The following FOXN3 variants were observed in gnomAD, a reference collection of about 807,000 sequenced individuals.
The protein encoded by FOXN3 is forkhead box N3, also known as forkhead box protein N3.
A neutral mutation model predicts 38.4 loss-of-function variants in FOXN3; 7 were observed. The ratio of observed to expected loss-of-function variants is 0.18; its 90% CI spans 0.10 to 0.34. The LOEUF is 0.34. Ranked by LOEUF, FOXN3 falls within the 10% of genes least tolerant of loss-of-function variation. The probability of loss-of-function intolerance (pLI) is 1.00; values close to 1 mark genes in which losing one functional copy is unlikely to be tolerated. For synonymous variants in FOXN3, 230 were observed against 242.2 expected, an observed-to-expected ratio of 0.95 and a Z score of 0.47; for missense variants, 456 against 613.4, an observed-to-expected ratio of 0.74 and a Z score of 2.71.
chr14:89,450,578 A>C (rs1596278754), intron 1 of FOXN3, among the ~76,000 whole-genome samples: 1 of 140,630 alleles, frequency 7.1e-6, no homozygotes, highest in African/African-American at 2.7e-5. Flanking sequence ...AACATTCTCG[A>C]CTTCATCTTT....
At chr14:89,420,824 G>A (rs1348778748), upstream of FOXN3, among the ~76,000 whole-genome samples, 1 of 151,654 alleles carries the variant, frequency 6.6e-6, no homozygotes, top group African/African-American at 2.4e-5. Flanking sequence ...TAAGGTCAGA[G>A]GGCAAAGGTG....
At chr14:89,504,649 T>A (rs1893872974) in intron 1 of FOXN3, among the ~76,000 whole-genome samples, 1 of 152,162 alleles carries the variant, frequency 6.6e-6, no homozygotes, top group Non-Finnish European at 1.5e-5. Context: ...ACCAACCAAG[T>A]CCAGATTTTA....
chr14:89,329,855 C>CAAAAAAAAAAAAAAAAAAAAAAAAA (rs57791098), intron 3 of FOXN3, among the ~76,000 whole-genome samples: 1 of 59,836 alleles, frequency 1.7e-5, no homozygotes, highest in African/African-American at 5.9e-5. Context: ...GACTCAGTCT[C>CAAAAAAAAAAAAAAAAAAAAAAAAA]AAAAAAAAAA....
At chr14:89,558,403 G>C (rs1367479884) in intron 1 of FOXN3, among the ~76,000 whole-genome samples, 1 of 152,278 alleles carries the variant, frequency 6.6e-6, no homozygotes, top group East Asian at 1.9e-4. Context: ...CCGTCTGCTG[G>C]GGCAAGCAGG....
chr14:89,497,021 C>G (rs1893699174), intron 1 of FOXN3, among the ~76,000 whole-genome samples: 1 of 152,192 alleles, frequency 6.6e-6, no homozygotes, highest in Admixed American at 6.5e-5. Context: ...ATGACGCAAT[C>G]TCAGCTTACT....
intron 3 of FOXN3, among the ~76,000 whole-genome samples, chr14:89,327,846 A>C (rs1044668145): frequency 1.3e-5 from 2 of 152,224 alleles, no homozygotes; most frequent in African/African-American, 4.8e-5. Context: ...ATCAGAAGGA[A>C]CGTTAGAGAT....
At chr14:89,389,812 G>C (rs1174195130) in intron 2 of FOXN3, among the ~76,000 whole-genome samples, 1 of 152,134 alleles carries the variant, frequency 6.6e-6, no homozygotes, top group Non-Finnish European at 1.5e-5. Context: ...CCGGGTCAGA[G>C]GTGACTCCTG....
intron 1 of FOXN3, among the ~76,000 whole-genome samples, chr14:89,547,280 A>G (rs1184674081): frequency 6.6e-6 from 1 of 150,740 alleles, no homozygotes; most frequent in African/African-American, 2.4e-5. Flanking sequence ...TTTGAGACAT[A>G]GTTTTGCTCT....
chr14:89,309,891 G>A (rs1045013248), intron 3 of FOXN3, among the ~76,000 whole-genome samples: 19 of 152,316 alleles, frequency 1.2e-4, no homozygotes, highest in African/African-American at 4.3e-4. Flanking sequence ...AGGAGTTTCC[G>A]CTGCCTTAAG....
At chr14:89,522,796 C>A (rs1894349726) in intron 1 of FOXN3, among the ~76,000 whole-genome samples, 1 of 148,168 alleles carries the variant, frequency 6.7e-6, no homozygotes. Flanking sequence ...CAAAAGGAGG[C>A]AGAAAAAAAA....
chr14:89,385,230 T>C (rs914685718), intron 2 of FOXN3, among the ~76,000 whole-genome samples: 1 of 152,126 alleles, frequency 6.6e-6, no homozygotes, highest in Non-Finnish European at 1.5e-5. Flanking sequence ...ATTATAAATG[T>C]GCCAATAAAG....
intron 1 of FOXN3, among the ~76,000 whole-genome samples, chr14:89,612,825 T>TA (rs1197955295): frequency 2.6e-4 from 35 of 137,120 alleles, no homozygotes; most frequent in South Asian, 2.3e-4. Context: ...AGACCCTGCT[T>TA]AAAAAAAAAA....
At chr14:89,381,145 CAAAAAAA>C (rs71130067) in intron 2 of FOXN3, among the ~76,000 whole-genome samples, 1 of 64,204 alleles carries the variant, frequency 1.6e-5, no homozygotes, top group African/African-American at 4.9e-5. Flanking sequence ...CCCTCCGTCT[CAAAAAAA>C]AAAAAAAAAA....
chr14:89,383,790 T>C (rs1241811638), intron 2 of FOXN3, among the ~76,000 whole-genome samples: 5 of 106,976 alleles, frequency 4.7e-5, no homozygotes, highest in Non-Finnish European at 9.3e-5. Flanking sequence ...TTTATTTTTA[T>C]GTATTCATTT....
chr14:89,506,645 AC>A (rs1051671866), intron 1 of FOXN3, among the ~76,000 whole-genome samples: 1 of 152,158 alleles, frequency 6.6e-6, no homozygotes, highest in African/African-American at 2.4e-5. Context: ...CTCATTGAGA[AC>A]GGGCCAGGAT....
intron 2 of FOXN3, among the ~76,000 whole-genome samples, chr14:89,367,870 T>C (rs1890203984): frequency 6.6e-6 from 1 of 152,150 alleles, no homozygotes; most frequent in South Asian, 2.1e-4. Flanking sequence ...CAGAGGCCTA[T>C]GGTAGAGAAT....
At chr14:89,589,934 T>C (rs556016874) in intron 1 of FOXN3, among the ~76,000 whole-genome samples, 1 of 152,152 alleles carries the variant, frequency 6.6e-6, no homozygotes, top group South Asian at 2.1e-4. Context: ...ACTCCTCCTT[T>C]CTGAACAGTT....
chr14:89,596,771 G>A (rs1224578616), intron 1 of FOXN3, among the ~76,000 whole-genome samples: 1 of 152,052 alleles, frequency 6.6e-6, no homozygotes, highest in Non-Finnish European at 1.5e-5. Flanking sequence ...TAAAATTTTT[G>A]TCCATTTCCT....
chr14:89,617,352 G>T (rs538730244), intron 1 of FOXN3, among the ~76,000 whole-genome samples: 1 of 152,280 alleles, frequency 6.6e-6, no homozygotes, highest in African/African-American at 2.4e-5. Flanking sequence ...CCTTCCTCTT[G>T]GATGTGAAAT....
Sources: allele counts gnomAD v4.1 joint callset (sites outside exome capture counted in the v4.1 genomes callset), GRCh38; gene constraint gnomAD v4.1.1; transcripts MANE v1.5; gene names NCBI Gene and HGNC (gene_info 2026-07-23, HGNC 2026-07-21).